The following MBP variants were observed in gnomAD, a reference collection of about 807,000 sequenced individuals.
The protein encoded by MBP is Golli-MBP.
Under a neutral mutation model 35.8 loss-of-function variants are expected in MBP, and 16 were observed. That is an observed-to-expected ratio of 0.45 (90% CI 0.30 to 0.68). The LOEUF is 0.68. Ranked by LOEUF, MBP falls within the 30% of genes least tolerant of loss-of-function variation. The pLI is 0.08. For synonymous variants in MBP, 143 were observed against 159.6 expected, an observed-to-expected ratio of 0.90 and a Z score of 0.78; for missense variants, 380 against 404.7, an observed-to-expected ratio of 0.94 and a Z score of 0.52.
At chr18:77,066,997 G>A (rs975644237) in intron 2 of MBP, among the ~76,000 whole-genome samples, 2 of 152,266 alleles carry the variant, frequency 1.3e-5, no homozygotes, top group African/African-American at 2.4e-5. Flanking sequence ...TTTGGGGCCC[G>A]AATGGCAGTG....
At chr18:77,119,548 G>A (rs1976824013) in intron 1 of MBP, among the ~76,000 whole-genome samples, 1 of 152,172 alleles carries the variant, frequency 6.6e-6, no homozygotes, top group African/African-American at 2.4e-5. Context: ...ACAAATGCCT[G>A]TCAAGTGGAT....
chr18:77,028,683 C>A (rs1170652713), intron 3 of MBP, among the ~76,000 whole-genome samples: 1 of 88,198 alleles, frequency 1.1e-5, no homozygotes, highest in Non-Finnish European at 3.0e-5. Flanking sequence ...TCCTCACTTC[C>A]CAGTAGGGGC....
chr18:77,009,926 C>T (rs1045604223), intron 4 of MBP: 2 of 1,579,472 alleles, frequency 1.3e-6, no homozygotes, highest in Non-Finnish European at 1.7e-6. Flanking sequence ...AGCCAGGGTA[C>T]CTGCCGGGGG....
In MBP at chr18:77,126,096, G is replaced by A. The variant is rs1019649515; in HGVS notation, c.-26+6484C>T. ...TTATGAGGCCAGTTATCCTGATACTGAAACTAGCAAAGACTATACAAAAAA... is the reference window on the plus strand; with the variant it reads ...TTATGAGGCCAGTTATCCTGATACTAAAACTAGCAAAGACTATACAAAAAA... On this transcript the variant is annotated intron_variant, in intron 1 of 8. Transcript: ENST00000355994. 2.4e-4 allele frequency among the ~76,000 whole-genome samples: 36 copies of A among 152,266 alleles called. 1 individual carries two copies. Among genetic ancestry groups the A allele is most frequent in the Admixed American group, 1.2e-3 (19 of 15,298 alleles).
At chr18:77,118,637 CACT>C (rs1295353284) in intron 1 of MBP, among the ~76,000 whole-genome samples, 8 of 129,680 alleles carry the variant, frequency 6.2e-5, no homozygotes, top group Admixed American at 1.6e-4. Context: ...CACACACACA[CACT>C]ACACACCACA....
At chr18:77,128,414 G>C (rs1184000026) in intron 1 of MBP, among the ~76,000 whole-genome samples, 1 of 152,114 alleles carries the variant, frequency 6.6e-6, no homozygotes, top group Non-Finnish European at 1.5e-5. Flanking sequence ...GCTATAAAGA[G>C]TAGCATCAAG....
chr18:77,120,378 C>T (rs1019405525), intron 1 of MBP, among the ~76,000 whole-genome samples: 1 of 152,206 alleles, frequency 6.6e-6, no homozygotes, highest in Admixed American at 6.5e-5. Flanking sequence ...GGGGCTGTGA[C>T]GCCCAGAGGC....
intron 3 of MBP, among the ~76,000 whole-genome samples, chr18:77,052,348 G>A (rs778999992): frequency 4.6e-5 from 7 of 152,178 alleles, no homozygotes; most frequent in Admixed American, 6.5e-5. Flanking sequence ...AGACAAAGGG[G>A]TCCTTGGATG....
At chr18:77,021,570 G>A (rs993470984) in intron 3 of MBP, among the ~76,000 whole-genome samples, 3 of 143,776 alleles carry the variant, frequency 2.1e-5, no homozygotes, top group Admixed American at 1.5e-4. Flanking sequence ...CGCAACCTCC[G>A]CCTCCCGGGT....
rs894414329 is a variant in MBP at position 77,131,867 on chromosome 18, G to C, written c.-26+713C>G. 2.0e-5 allele frequency among the ~76,000 whole-genome samples: 3 copies of C among 152,058 alleles called. No individual in the cohort carries two copies. Among genetic ancestry groups the C allele is most frequent in the African/African-American group, 7.2e-5 (3 of 41,432 alleles). On this transcript the variant is annotated intron_variant, in intron 1 of 8. Coordinates refer to ENST00000355994, the MANE Select transcript of MBP (RefSeq NM_001025101.2). The surrounding 1 kb of genome is among the most constrained non-coding windows in gnomAD (Gnocchi z 5.5). ...CGGCGGGCGGCTGCGGGCGGCGCAC[G>C]TGGGCCCAGGTGGGCGCAGCGACGG...
chr18:77,059,785 G>A (rs1489237896), intron 3 of MBP, among the ~76,000 whole-genome samples: 1 of 152,142 alleles, frequency 6.6e-6, no homozygotes, highest in African/African-American at 2.4e-5. Context: ...GCCTTCAAGA[G>A]GCTTGCATTT....
chr18:77,040,573 C>T (rs1016643376), intron 3 of MBP, among the ~76,000 whole-genome samples: 2 of 152,170 alleles, frequency 1.3e-5, no homozygotes, highest in African/African-American at 4.8e-5. Context: ...GTACTGGTAC[C>T]ACAACAGATA....
intron 2 of MBP, among the ~76,000 whole-genome samples, chr18:77,100,872 T>G (rs1195369396): frequency 1.3e-5 from 2 of 151,950 alleles, no homozygotes; most frequent in Non-Finnish European, 2.9e-5. Context: ...GTTTTGAACA[T>G]GTAGTGAATC....
intron 2 of MBP, among the ~76,000 whole-genome samples, chr18:77,100,309 C>A (rs536804426): frequency 6.6e-6 from 1 of 152,308 alleles, no homozygotes; most frequent in Non-Finnish European, 1.5e-5. Context: ...AGGAGACCAA[C>A]CCTTGGCACC....
intron 3 of MBP, among the ~76,000 whole-genome samples, chr18:77,057,343 G>T (rs1973765504): frequency 1.3e-5 from 2 of 152,116 alleles, no homozygotes; most frequent in Admixed American, 6.5e-5. Flanking sequence ...AAGATAATCT[G>T]AATATTCCTT....
chr18:77,020,435 C>T lies in MBP; in HGVS notation c.140-3167G>A, dbSNP rs1282390250. On this transcript the variant is annotated intron_variant, in intron 3 of 8. Coordinates refer to ENST00000355994, the MANE Select transcript of MBP (RefSeq NM_001025101.2). This position sits in a 1 kb window ranked among gnomAD's most constrained non-coding sequence, Gnocchi z 4.1. ...TGCCCTGGGGTCCCCGTGACCCCTC[C>T]AGTTTCCCTGACTTGCTAGGAGAGC... Among the ~76,000 whole-genome samples, 1 of 152,232 alleles carries T rather than the reference C, an allele frequency of 6.6e-6. No homozygotes were observed. The highest frequency in any genetic ancestry group is 1.5e-5 in the Non-Finnish European group (1 of 68,036).
intron 2 of MBP, among the ~76,000 whole-genome samples, chr18:77,093,981 C>CT (rs58936481): frequency 0.55 from 79,825 of 144,880 alleles, 23,935 homozygotes; most frequent in East Asian, 0.85. Context: ...TTTTTTTCTT[C>CT]TTTTTTTTTT....
intron 8 of MBP, chr18:76,980,753 G>C (rs958017251): frequency 3.6e-5 from 15 of 418,418 alleles, no homozygotes; most frequent in African/African-American, 2.8e-4. Flanking sequence ...AAACAACGCT[G>C]CACTTCTGTG....
intron 1 of MBP, among the ~76,000 whole-genome samples, chr18:77,132,272 G>A (rs1439746443): frequency 6.6e-6 from 1 of 151,080 alleles, no homozygotes; most frequent in African/African-American, 2.5e-5. Context: ...CTGTAAACCC[G>A]CGTCTACACC....
Sources: gnomAD v4.1 joint callset for allele counts (sites outside exome capture counted in the v4.1 genomes callset) on GRCh38, gnomAD v4.1.1 for gene constraint, Gnocchi (gnomAD v3.1) non-coding constraint, MANE v1.5 for transcripts, NCBI Gene and HGNC (gene_info 2026-07-23, HGNC 2026-07-21) for gene names.